The following DMD variants were observed in gnomAD, a reference collection of about 807,000 sequenced individuals.
The protein encoded by DMD is dystrophin.
Under a neutral mutation model 330.1 loss-of-function variants are expected in DMD, and 63 were observed. The observed-to-expected ratio is 0.19, with a 90% CI of 0.16 to 0.24. DMD has a LOEUF of 0.24. Among genes scored for constraint, DMD ranks in the 10% least tolerant of loss-of-function variants. The pLI is 1.00. For synonymous variants in DMD, 1,223 were observed against 959.8 expected (o/e 1.27, Z -5.07); for missense variants, 3,344 against 2,684.1 (o/e 1.25, Z -5.43).
At chrX:32,805,603 C>T (rs2076894165) in intron 7 of DMD, among the ~76,000 whole-genome samples, 2 of 110,983 alleles carry the variant, frequency 1.8e-5, no homozygotes, top group African/African-American at 6.6e-5. Flanking sequence ...AAAAATACTC[C>T]TCAAAAAGAG....
chrX:32,311,906 T>G (rs1375296797), intron 41 of DMD, among the ~76,000 whole-genome samples: 2 of 111,743 alleles, frequency 1.8e-5, no homozygotes, highest in Middle Eastern at 4.2e-3. Context: ...TTGGTGACCA[T>G]TATGTTGTTC....
chrX:31,728,251 T>G (rs1192272456), intron 52 of DMD, among the ~76,000 whole-genome samples: 1 of 111,832 alleles, frequency 8.9e-6, no homozygotes, highest in African/African-American at 3.2e-5. Flanking sequence ...GGTCTCGATC[T>G]CCTGACCTCG....
chrX:32,067,540 C>T (rs4304480), intron 44 of DMD, among the ~76,000 whole-genome samples: 11,926 of 110,180 alleles, frequency 0.11, 800 homozygotes, highest in African/African-American at 0.24. Flanking sequence ...CTAGTTTCTA[C>T]TGTTGCCATC....
chrX:31,214,963 A>T (rs2045237889), intron 64 of DMD, among the ~76,000 whole-genome samples: 1 of 11,853 alleles, frequency 8.4e-5, no homozygotes, highest in Non-Finnish European at 1.9e-4. Flanking sequence ...TTTTTTTGAG[A>T]CCGAGTCTTG....
At chrX:32,121,935 C>G (rs963134323) in intron 44 of DMD, among the ~76,000 whole-genome samples, 1 of 109,437 alleles carries the variant, frequency 9.1e-6, no homozygotes, top group South Asian at 4.0e-4. Context: ...AAGGAGTAAA[C>G]GTGAATATGA....
intron 30 of DMD, among the ~76,000 whole-genome samples, chrX:32,409,088 A>G (rs1332482902): frequency 1.8e-5 from 2 of 111,616 alleles, no homozygotes; most frequent in African/African-American, 6.5e-5. Flanking sequence ...TTTTCAGGAA[A>G]TATAATCCTT....
At chrX:31,193,630 T>A (rs2042598551) in intron 67 of DMD, among the ~76,000 whole-genome samples, 1 of 111,590 alleles carries the variant, frequency 9.0e-6, no homozygotes, top group African/African-American at 3.3e-5. Flanking sequence ...TATCAAAAAA[T>A]TACTTTCTCA....
chrX:33,173,223 T>C (rs1238793043), intron 1 of DMD, among the ~76,000 whole-genome samples: 3 of 111,754 alleles, frequency 2.7e-5, no homozygotes, highest in African/African-American at 9.7e-5. Context: ...ATATATGCAA[T>C]ATTTTATGTC....
chrX:33,234,519 A>G (rs1419154155), intron 1 of DMD, among the ~76,000 whole-genome samples: 2 of 111,549 alleles, frequency 1.8e-5, no homozygotes, highest in African/African-American at 6.5e-5. Context: ...AATATCGACA[A>G]TGCACTTAGA....
At chrX:31,634,557 T>TA (rs1347614898) in intron 54 of DMD, among the ~76,000 whole-genome samples, 4 of 111,413 alleles carry the variant, frequency 3.6e-5, no homozygotes, top group South Asian at 3.7e-4. Context: ...TTTTATTTTT[T>TA]AAAAAAAATA....
intron 7 of DMD, among the ~76,000 whole-genome samples, chrX:32,791,979 A>T: frequency 8.9e-6 from 1 of 111,886 alleles, no homozygotes; most frequent in East Asian, 2.8e-4. Flanking sequence ...AGAATTCTAA[A>T]AACAGCAAGA....
At chrX:31,929,824 A>G in intron 46 of DMD, 79 bp from the exon 47 acceptor site, 1 of 1,143,216 alleles carries the variant, frequency 8.7e-7, no homozygotes, top group South Asian at 1.8e-5. Context: ...TCTATTGATT[A>G]GTCTATCAAA....
intron 51 of DMD, among the ~76,000 whole-genome samples, chrX:31,739,436 G>C (rs2087128363): frequency 9.0e-6 from 1 of 111,597 alleles, no homozygotes; most frequent in East Asian, 2.8e-4. Flanking sequence ...CAATAAGACA[G>C]TCAGTGAAAT....
chrX:31,181,899 G>A (rs2041193774), intron 68 of DMD, among the ~76,000 whole-genome samples: 1 of 112,155 alleles, frequency 8.9e-6, no homozygotes, highest in African/African-American at 3.2e-5. Flanking sequence ...AAACCTTGAT[G>A]TTGATTCACA....
chrX:32,755,002 T>C (rs1256932723), intron 7 of DMD: 1 of 111,458 alleles, frequency 9.0e-6, no homozygotes, highest in Non-Finnish European at 1.9e-5. Context: ...AAGTTACCAC[T>C]GCCCCTTCAA....
intron 50 of DMD, among the ~76,000 whole-genome samples, chrX:31,813,718 T>G (rs190235125): frequency 8.9e-6 from 1 of 111,969 alleles, no homozygotes; most frequent in African/African-American, 3.2e-5. Context: ...CCAGAGATAA[T>G]CTCCTCCCCA....
At chrX:32,788,902 C>T (rs921733546) in intron 7 of DMD, among the ~76,000 whole-genome samples, 2 of 111,652 alleles carry the variant, frequency 1.8e-5, no homozygotes, top group Non-Finnish European at 3.8e-5. Flanking sequence ...TTTTTATTGG[C>T]TGCAAAAGGC....
intron 71 of DMD, among the ~76,000 whole-genome samples, chrX:31,177,002 C>T (rs764897824): frequency 9.0e-6 from 1 of 111,216 alleles, no homozygotes; most frequent in South Asian, 3.8e-4. Flanking sequence ...TGAATTCTTA[C>T]ACAAGCTTAT....
intron 2 of DMD, among the ~76,000 whole-genome samples, chrX:32,945,848 T>A (rs950177263): frequency 9.0e-6 from 1 of 111,587 alleles, no homozygotes; most frequent in African/African-American, 3.2e-5. Context: ...GCATATATGT[T>A]TTCCTGAAAT....
Sources: allele counts gnomAD v4.1 joint callset (sites outside exome capture counted in the v4.1 genomes callset), GRCh38; gene constraint gnomAD v4.1.1; transcripts MANE v1.5; gene names NCBI Gene and HGNC (gene_info 2026-07-23, HGNC 2026-07-21).